Variants in TMEM39B observed in about 807,000 individuals in gnomAD.
TMEM39B encodes the protein transmembrane protein 39B.
A neutral mutation model predicts 52.2 loss-of-function variants in TMEM39B; 23 were observed. That is an observed-to-expected ratio of 0.44 (90% confidence interval 0.32 to 0.62). The LOEUF (loss-of-function observed/expected upper bound fraction) is 0.62, where lower values mean the gene tolerates loss of function less well. TMEM39B is among the 20% of genes least tolerant of loss of function. TMEM39B has a pLI of 0.06. For synonymous variants in TMEM39B, 285 were observed against 264.0 expected, an observed-to-expected ratio of 1.08 and a Z score of -0.77; for missense variants, 547 against 642.0, an observed-to-expected ratio of 0.85 and a Z score of 1.60.
intron 6 of TMEM39B, 112 bp downstream of exon 6, chr1:32,092,123 C>T: frequency 2.0e-6 from 2 of 1,015,150 alleles, no homozygotes; most frequent in South Asian, 3.2e-5. Context: ...TGTGATTTCC[C>T]ATCTCTGGAG....
intron 1 of TMEM39B, chr1:32,073,319 A>C: frequency 4.5e-6 from 2 of 442,430 alleles, no homozygotes; most frequent in Non-Finnish European, 3.8e-6. Context: ...CGGGGCTAGA[A>C]AGGGGGGCGG....
intron 5 of TMEM39B, among the ~76,000 whole-genome samples, chr1:32,090,454 C>T (rs1012914273): frequency 1.8e-4 from 27 of 151,942 alleles, no homozygotes; most frequent in South Asian, 1.0e-3. Context: ...CTCTCTTGTG[C>T]GTGTATTTTT....
intron 6 of TMEM39B, 40 bp downstream of exon 6, chr1:32,092,051 G>T: frequency 6.4e-7 from 1 of 1,573,742 alleles, no homozygotes; most frequent in Non-Finnish European, 8.7e-7. Flanking sequence ...GACTAGCTGG[G>T]ACTTTACCCT....
intron 5 of TMEM39B, among the ~76,000 whole-genome samples, chr1:32,083,085 T>G (rs1640181347): frequency 6.8e-6 from 1 of 146,482 alleles, no homozygotes; most frequent in East Asian, 2.0e-4. Context: ...GGTTTTTTTT[T>G]TTTTTTTTTT....
At chr1:32,083,075 G>A (rs1161485382) in intron 5 of TMEM39B, among the ~76,000 whole-genome samples, 2 of 139,378 alleles carry the variant, frequency 1.4e-5, no homozygotes, top group African/African-American at 5.4e-5. Context: ...CGCCCAGCCT[G>A]GTTTTTTTTT....
intron 7 of TMEM39B, among the ~76,000 whole-genome samples, chr1:32,098,033 G>T (rs1640878976): frequency 6.6e-6 from 1 of 151,878 alleles, no homozygotes; most frequent in African/African-American, 2.4e-5. Context: ...TTTCGCTCTT[G>T]TTGCCCAGGT....
intron 5 of TMEM39B, among the ~76,000 whole-genome samples, chr1:32,078,681 C>T (rs1639965772): frequency 6.6e-6 from 1 of 152,142 alleles, no homozygotes; most frequent in Non-Finnish European, 1.5e-5. Context: ...TCTGATGTCA[C>T]CCGGGCTGGA....
chr1:32,102,016 G>A (rs2282517), intron 8 of TMEM39B, among the ~76,000 whole-genome samples: 21,649 of 151,928 alleles, frequency 0.14, 2,149 homozygotes, highest in African/African-American at 0.26. Flanking sequence ...TTCAGGCCCA[G>A]CAATACCCAG....
rs968558011 is a variant in TMEM39B, at chr1:32,100,299, A to G, written c.1116-143A>G. 5.6e-6 allele frequency: 5 copies of G among 890,602 alleles called. No homozygotes were observed. In the African/African-American group the frequency reaches 8.5e-5, roughly 15 times the overall value. The allele number at this position is 890,602 out of a possible 1,614,324, so 55.2% of individuals were successfully genotyped here. A position where few individuals can be genotyped will look rare whatever the true frequency, so the allele number is the denominator to read the frequency against. ...CTTACCCCATTTTACAGAGGAGGCAACTGAAACCCAGAAAAGGAAAGTCAG... is the reference window on the plus strand; with the variant it reads ...CTTACCCCATTTTACAGAGGAGGCAGCTGAAACCCAGAAAAGGAAAGTCAG... On this transcript the variant is annotated intron_variant, in intron 7 of 8. Transcript: ENST00000336294.
rs1436083337 is a variant in TMEM39B, at chr1:32,094,813, C to A, written c.957C>A (p.Ser319=). 6.2e-7 allele frequency: 1 copy of A among 1,614,248 alleles called. No homozygotes were observed. The highest frequency in any genetic ancestry group is 1.1e-5 in the South Asian group (1 of 91,090). The change falls in exon 7 of 9, where the codon TCC becomes TCA. Residue 319 remains serine, a synonymous_variant. Coordinates refer to ENST00000336294, the MANE Select transcript of TMEM39B (RefSeq NM_018056.4). Reference sequence around the variant, plus strand: ...CACATTACTATGACAAGCGCTGGTCCTGTGAACTCTTCCTGCTGGTGTCCA... The same window carrying A: ...CACATTACTATGACAAGCGCTGGTCATGTGAACTCTTCCTGCTGGTGTCCA... ...KNTHYYDKRW[S]CELFLLVSIS...
intron 5 of TMEM39B, among the ~76,000 whole-genome samples, 195 bp downstream of exon 5, chr1:32,077,513 A>T (rs1444335632): frequency 2.6e-5 from 4 of 152,210 alleles, no homozygotes; most frequent in African/African-American, 9.6e-5. Flanking sequence ...CTGAGGTGGC[A>T]TAATTTACCC....
At position 32,102,556 on chromosome 1, in the gene TMEM39B, C is replaced by T. The variant is rs781470806; in HGVS notation, c.1362C>T (p.Leu454=). The T allele has an allele frequency of 6.2e-7, 1 of 1,614,184 alleles. No individual in the cohort carries two copies. Among genetic ancestry groups the T allele is most frequent in the Non-Finnish European group, 8.5e-7 (1 of 1,180,040 alleles). The change falls in exon 9 of 9, where the codon CTC becomes CTT. Residue 454 remains leucine, a synonymous_variant. Transcript: ENST00000336294. The stretch of plus-strand genomic sequence containing the variant: ...GGCACCAGACCATCTCGCTGGCCCT[C>T]ATCCTCTTCAGCAACTACTATGCCT... ...EKWHQTISLA[L]ILFSNYYAFF...
chr1:32,097,739 G>C (rs921755385), intron 7 of TMEM39B, among the ~76,000 whole-genome samples: 2 of 152,012 alleles, frequency 1.3e-5, no homozygotes, highest in Admixed American at 6.5e-5. Context: ...CCGCCTCCCA[G>C]GTTCACACCA....
At chr1:32,078,460 G>A (rs956274526) in intron 5 of TMEM39B, among the ~76,000 whole-genome samples, 3 of 151,760 alleles carry the variant, frequency 2.0e-5, no homozygotes, top group Admixed American at 6.6e-5. Flanking sequence ...TCTAGCTTAA[G>A]CAACTGGAGT....
chr1:32,094,079 A>G (rs1640716817), intron 6 of TMEM39B, among the ~76,000 whole-genome samples: 1 of 146,400 alleles, frequency 6.8e-6, no homozygotes, highest in Non-Finnish European at 1.5e-5. Context: ...TGGCCTCCCA[A>G]AGTGCTGGGA....
intron 4 of TMEM39B, 57 bp downstream of exon 4, chr1:32,076,903 A>T: frequency 1.9e-6 from 3 of 1,582,390 alleles, no homozygotes; most frequent in Non-Finnish European, 2.6e-6. Flanking sequence ...TCCCCTGGGG[A>T]TGCCAAGGAA....
chr1:32,077,783 G>GTGTCTATGCATGAAGCGTGTGGT (rs1639928028), intron 5 of TMEM39B, among the ~76,000 whole-genome samples: 1 of 152,128 alleles, frequency 6.6e-6, no homozygotes, highest in South Asian at 2.1e-4. Context: ...AAGCGTGTGG[G>GTGTCTATGCATGAAGCGTGTGGT]TGTCTATGCA....
intron 5 of TMEM39B, among the ~76,000 whole-genome samples, chr1:32,088,180 G>A (rs181616117): frequency 1.1e-4 from 16 of 146,064 alleles, no homozygotes; most frequent in Admixed American, 5.6e-4. Flanking sequence ...CACTTTGGGC[G>A]GCCGAAGTGG....
At chr1:32,096,464 T>A (rs998361665) in intron 7 of TMEM39B, among the ~76,000 whole-genome samples, 1 of 142,666 alleles carries the variant, frequency 7.0e-6, no homozygotes, top group African/African-American at 2.6e-5. Context: ...TTTTTTTTTT[T>A]TTTTTTTTTT....
Sources: allele counts gnomAD v4.1 joint callset (sites outside exome capture counted in the v4.1 genomes callset), GRCh38; gene constraint gnomAD v4.1.1; transcripts MANE v1.5; gene names NCBI Gene and HGNC (gene_info 2026-07-23, HGNC 2026-07-21).